The following ANKS1B variants were observed in gnomAD, a reference collection of about 807,000 sequenced individuals.
ANKS1B encodes ankyrin repeat and sterile alpha motif domain containing 1B.
In ANKS1B, 36 loss-of-function variants were observed where a neutral mutation model predicts 148.3. The ratio of observed to expected loss-of-function variants is 0.24; its 90% CI spans 0.19 to 0.32. The LOEUF is 0.32. ANKS1B is among the 10% of genes least tolerant of loss of function. The pLI is 1.00. For synonymous variants in ANKS1B, 542 were observed against 560.8 expected (o/e 0.97, Z 0.47); for missense variants, 1,157 against 1,542.6 (o/e 0.75, Z 4.19).
intron 12 of ANKS1B, among the ~76,000 whole-genome samples, chr12:99,330,077 G>T (rs2087208963): frequency 6.6e-6 from 1 of 151,826 alleles, no homozygotes; most frequent in Non-Finnish European, 1.5e-5. Flanking sequence ...AATCTGTTCT[G>T]CTTAATTCTT....
intron 22 of ANKS1B, 85 bp downstream of exon 22, chr12:98,798,849 T>C (rs1181030088): frequency 8.8e-7 from 1 of 1,135,100 alleles, no homozygotes; most frequent in African/African-American, 1.6e-5. Context: ...ATGGAGAAAA[T>C]AGTAATTTGA....
At chr12:98,819,044 A>G (rs143989471) in intron 19 of ANKS1B, among the ~76,000 whole-genome samples, 1 of 152,306 alleles carries the variant, frequency 6.6e-6, no homozygotes, top group East Asian at 1.9e-4. Flanking sequence ...ACACTGATGG[A>G]TGACTTCAAA....
chr12:99,689,767 G>T (rs1291861337), intron 8 of ANKS1B, among the ~76,000 whole-genome samples: 1 of 152,150 alleles, frequency 6.6e-6, no homozygotes, highest in Non-Finnish European at 1.5e-5. Context: ...TAGTCTACAA[G>T]ACAATAGAGG....
intron 12 of ANKS1B, among the ~76,000 whole-genome samples, chr12:99,272,142 T>G (rs2077117450): frequency 6.6e-6 from 1 of 152,114 alleles, no homozygotes; most frequent in African/African-American, 2.4e-5. Flanking sequence ...GTGTCTTCTA[T>G]GGACCAAACA....
At chr12:99,698,770 T>G (rs2054323582) in intron 8 of ANKS1B, among the ~76,000 whole-genome samples, 1 of 152,200 alleles carries the variant, frequency 6.6e-6, no homozygotes, top group Non-Finnish European at 1.5e-5. Flanking sequence ...TGCTTACTCA[T>G]TCTTAATGTT....
At chr12:99,811,280 T>C (rs1026701171) in intron 3 of ANKS1B, among the ~76,000 whole-genome samples, 2 of 151,946 alleles carry the variant, frequency 1.3e-5, no homozygotes, top group Admixed American at 1.3e-4. Context: ...AATTGTGCTT[T>C]ATTAGATATG....
At chr12:99,624,708 C>A (rs997283672) in intron 9 of ANKS1B, among the ~76,000 whole-genome samples, 1 of 152,068 alleles carries the variant, frequency 6.6e-6, no homozygotes, top group Non-Finnish European at 1.5e-5. Flanking sequence ...AATACTAACT[C>A]ATACCAGTCA....
At chr12:99,351,249 A>G (rs2091385822) in intron 12 of ANKS1B, among the ~76,000 whole-genome samples, 1 of 152,078 alleles carries the variant, frequency 6.6e-6, no homozygotes, top group South Asian at 2.1e-4. Context: ...TGAGTCGTAC[A>G]GGTTTTACGA....
chr12:99,528,571 A>T (rs1018045446), intron 9 of ANKS1B, among the ~76,000 whole-genome samples: 1 of 152,204 alleles, frequency 6.6e-6, no homozygotes. Flanking sequence ...ACAAGCAAAA[A>T]AACCAAACAA....
At chr12:98,841,700 AGTATTAT>A (rs2099407018) in intron 17 of ANKS1B, among the ~76,000 whole-genome samples, 2 of 152,306 alleles carry the variant, frequency 1.3e-5, no homozygotes, top group East Asian at 3.9e-4. Context: ...GTTAAAAGAA[AGTATTAT>A]AAGGAAAGCA....
At chr12:99,488,532 A>G (rs943581298) in intron 10 of ANKS1B, among the ~76,000 whole-genome samples, 2 of 152,146 alleles carry the variant, frequency 1.3e-5, no homozygotes, top group African/African-American at 4.8e-5. Flanking sequence ...TTGTTTCTCT[A>G]GTTCTTTAGC....
chr12:99,053,250 G>C lies in ANKS1B; in HGVS notation c.2685C>G (p.Ser895=). 1 of 1,611,628 alleles carries C rather than the reference G, an allele frequency of 6.2e-7. No individual in the cohort carries two copies. The highest frequency in any genetic ancestry group is 8.5e-7 in the Non-Finnish European group (1 of 1,178,948). Reference sequence around the variant, plus strand: ...CTTTGGTGTAGTCGCCCAGTTCAATGGAATCCAGCCACTCAGCTACAGAGG... The same window carrying C: ...CTTTGGTGTAGTCGCCCAGTTCAATCGAATCCAGCCACTCAGCTACAGAGG... The part of the protein sequence containing the change: ...HPTSVAEWLD[S]IELGDYTKAF... The change falls in exon 17 of 27, where the codon TCC becomes TCG. Residue 895 remains serine, a synonymous_variant. Coordinates refer to ENST00000683438, the MANE Select transcript of ANKS1B (RefSeq NM_001352186.2).
chr12:99,463,783 C>G (rs1376088784), intron 10 of ANKS1B, among the ~76,000 whole-genome samples: 1 of 152,248 alleles, frequency 6.6e-6, no homozygotes, highest in African/African-American at 2.4e-5. Flanking sequence ...AACAAAGCAG[C>G]TGGGAAGCTC....
intron 15 of ANKS1B, among the ~76,000 whole-genome samples, chr12:99,107,283 C>A (rs919320493): frequency 6.6e-6 from 1 of 152,046 alleles, no homozygotes; most frequent in African/African-American, 2.4e-5. Context: ...GCAGCTACAC[C>A]CTCACTCTTT....
At chr12:99,477,446 G>T (rs2096342917) in intron 10 of ANKS1B, among the ~76,000 whole-genome samples, 1 of 151,972 alleles carries the variant, frequency 6.6e-6, no homozygotes, top group African/African-American at 2.4e-5. Context: ...TCAGTCCTAG[G>T]CAAACCAGCT....
chr12:99,524,746 C>T (rs1305139039), intron 9 of ANKS1B, among the ~76,000 whole-genome samples: 3 of 152,082 alleles, frequency 2.0e-5, no homozygotes, highest in Non-Finnish European at 4.4e-5. Flanking sequence ...CAAGAGAGAA[C>T]GAGAGCCAAG....
intron 1 of ANKS1B, among the ~76,000 whole-genome samples, chr12:99,833,544 G>A (rs1487075613): frequency 6.6e-6 from 1 of 152,170 alleles, no homozygotes; most frequent in Non-Finnish European, 1.5e-5. Context: ...AACCATGAAC[G>A]AAATGCATCA....
chr12:99,585,900 T>C (rs1414643346), intron 9 of ANKS1B, among the ~76,000 whole-genome samples: 1 of 152,126 alleles, frequency 6.6e-6, no homozygotes, highest in South Asian at 2.1e-4. Context: ...AATCATTTTT[T>C]CCTCCTGTCT....
intron 14 of ANKS1B, among the ~76,000 whole-genome samples, chr12:99,176,729 G>C (rs749871835): frequency 3.3e-5 from 5 of 152,060 alleles, no homozygotes; most frequent in African/African-American, 4.8e-5. Flanking sequence ...TCATTAAAAA[G>C]TGTCTGGCAC....
Sources: allele counts gnomAD v4.1 joint callset (sites outside exome capture counted in the v4.1 genomes callset), GRCh38; gene constraint gnomAD v4.1.1; transcripts MANE v1.5; gene names NCBI Gene and HGNC (gene_info 2026-07-23, HGNC 2026-07-21).